Variants in EPB41 observed in about 807,000 individuals in gnomAD.
EPB41 encodes the protein protein 4.1.
Under a neutral mutation model 108.0 loss-of-function variants are expected in EPB41, and 65 were observed. The observed-to-expected ratio is 0.60, with a 90% confidence interval of 0.49 to 0.74. The LOEUF is 0.74. EPB41 is among the 30% of genes least tolerant of loss of function. The pLI is 0.00. For missense variants in EPB41, 875 were observed against 1,037.0 expected (o/e 0.84, Z 2.15); for synonymous variants, 336 against 358.9 (o/e 0.94, Z 0.72).
intron 1 of EPB41, among the ~76,000 whole-genome samples, chr1:28,905,887 G>A (rs976977103): frequency 6.8e-6 from 1 of 147,524 alleles, no homozygotes; most frequent in Admixed American, 7.0e-5. Context: ...GCGCGATCTC[G>A]GCTCTCTGAA....
intron 6 of EPB41, among the ~76,000 whole-genome samples, chr1:29,016,622 T>C (rs987593818): frequency 6.6e-6 from 1 of 152,144 alleles, no homozygotes; most frequent in Admixed American, 6.6e-5. Flanking sequence ...CCCACCTAAT[T>C]TATTAAATCC....
chr1:29,098,768 C>T (rs2151501907), intron 17 of EPB41, among the ~76,000 whole-genome samples: 1 of 151,624 alleles, frequency 6.6e-6, no homozygotes, highest in South Asian at 2.1e-4. Context: ...GAGACGGAGT[C>T]TCAGTCACTC....
At chr1:29,083,532 G>C (rs1054885279) in intron 16 of EPB41, among the ~76,000 whole-genome samples, 3 of 152,168 alleles carry the variant, frequency 2.0e-5, no homozygotes, top group Admixed American at 1.3e-4. Context: ...TGCTTGACTT[G>C]TCATCTTTAT....
intron 11 of EPB41, among the ~76,000 whole-genome samples, chr1:29,041,639 C>T (rs1384834371): frequency 2.7e-5 from 4 of 150,366 alleles, no homozygotes; most frequent in Non-Finnish European, 5.9e-5. Context: ...CAGAGTGGGA[C>T]GCCGTCTCAA....
At chr1:29,033,995 G>A (rs1638435316) in intron 9 of EPB41, among the ~76,000 whole-genome samples, 1 of 152,048 alleles carries the variant, frequency 6.6e-6, no homozygotes, top group African/African-American at 2.4e-5. Flanking sequence ...GTTCTATATA[G>A]GAAATGATAC....
chr1:29,011,232 G>A (rs756689612), intron 4 of EPB41, among the ~76,000 whole-genome samples: 17 of 151,852 alleles, frequency 1.1e-4, no homozygotes, highest in Admixed American at 3.3e-4. Context: ...GGGTGTGGTC[G>A]TGGGCACCTG....
intron 1 of EPB41, among the ~76,000 whole-genome samples, chr1:28,949,609 T>A (rs1470146002): frequency 1.3e-5 from 2 of 151,712 alleles, no homozygotes; most frequent in Non-Finnish European, 2.9e-5. Context: ...TTTATTTATT[T>A]TTATTTTTTT....
chr1:28,987,132 A>T (rs1557919768), intron 1 of EPB41, among the ~76,000 whole-genome samples: 1 of 152,194 alleles, frequency 6.6e-6, no homozygotes, highest in Non-Finnish European at 1.5e-5. Context: ...TACTGTATAC[A>T]GTTCTAGGCA....
intron 1 of EPB41, among the ~76,000 whole-genome samples, chr1:28,941,535 G>A (rs558924503): frequency 4.6e-5 from 7 of 152,310 alleles, no homozygotes; most frequent in African/African-American, 1.7e-4. Flanking sequence ...TGTTACCTAA[G>A]CTGTAGTACT....
chr1:28,988,693 A>G (rs964125856), intron 2 of EPB41, among the ~76,000 whole-genome samples: 4 of 152,118 alleles, frequency 2.6e-5, no homozygotes, highest in Admixed American at 2.0e-4. Context: ...TAATGTAGTC[A>G]TTGGAAACTT....
At position 28,962,152 on chromosome 1, in the gene EPB41, C is replaced by G. The variant is rs375999613; in HGVS notation, c.-7-25279C>G. Among the ~76,000 whole-genome samples, 4 of 152,068 alleles carry G rather than the reference C, an allele frequency of 2.6e-5. No individual in the cohort carries two copies. The East Asian group carries it at 5.8e-4, about 22-fold the overall frequency. On this transcript the variant is annotated intron_variant, in intron 1 of 20. Coordinates refer to ENST00000343067, the MANE Select transcript of EPB41 (RefSeq NM_001376013.1). ...CTTGGCTCACTACAACCTCCGCCTC[C>G]CAGGTTCAAGCGATTCTCCTGCCTC...
intron 1 of EPB41, among the ~76,000 whole-genome samples, chr1:28,947,491 T>G (rs1274199770): frequency 6.6e-6 from 1 of 151,896 alleles, no homozygotes; most frequent in Non-Finnish European, 1.5e-5. Flanking sequence ...TTCTTTTTAT[T>G]AGATGCAACC....
At chr1:28,915,731 C>CTTTTTTTTTTTTTTTTTTTT (rs11321625) in intron 1 of EPB41, among the ~76,000 whole-genome samples, 3 of 56,076 alleles carry the variant, frequency 5.3e-5, no homozygotes, top group Non-Finnish European at 9.3e-5. Flanking sequence ...TTTTCAGATG[C>CTTTTTTTTTTTTTTTTTTTT]TTTTTTTTTT....
At chr1:29,023,969 T>G (rs999451843) in intron 7 of EPB41, among the ~76,000 whole-genome samples, 3 of 152,056 alleles carry the variant, frequency 2.0e-5, no homozygotes, top group Non-Finnish European at 4.4e-5. Flanking sequence ...TTCTAATTGT[T>G]AAATCAGAAA....
At chr1:28,935,306 G>A (rs559232926) in intron 1 of EPB41, among the ~76,000 whole-genome samples, 8 of 151,614 alleles carry the variant, frequency 5.3e-5, no homozygotes, top group Admixed American at 3.9e-4. Flanking sequence ...GCTGTGGTGC[G>A]CATGCCTGTA....
intron 17 of EPB41, 21 bp from the exon 18 acceptor site, chr1:29,109,315 G>A: frequency 4.4e-6 from 7 of 1,593,862 alleles, no homozygotes; most frequent in Non-Finnish European, 6.0e-6. Context: ...GCATGATGAT[G>A]AGCCATGCTT....
At chr1:28,993,659 T>TTTC in intron 3 of EPB41, 117 bp downstream of exon 3, 1 of 502,642 alleles carries the variant, frequency 2.0e-6, no homozygotes, top group East Asian at 3.5e-5. Flanking sequence ...TCTTTTTTCT[T>TTTC]TTTTTTTTTT....
chr1:28,950,384 G>A (rs978856381), intron 1 of EPB41, among the ~76,000 whole-genome samples: 15 of 152,166 alleles, frequency 9.9e-5, no homozygotes, highest in South Asian at 2.1e-4. Context: ...GCAGTAAGTC[G>A]TTTTGTCTTT....
chr1:29,064,363 T>G (rs1244579580), intron 15 of EPB41, among the ~76,000 whole-genome samples: 2 of 152,200 alleles, frequency 1.3e-5, no homozygotes. Context: ...CTCTGGAGCC[T>G]TTAACTAGGA....
Sources: gnomAD v4.1 joint callset for allele counts (sites outside exome capture counted in the v4.1 genomes callset) on GRCh38, gnomAD v4.1.1 for gene constraint, MANE v1.5 for transcripts, NCBI Gene and HGNC (gene_info 2026-07-23, HGNC 2026-07-21) for gene names.